RCOR1: variants seen among roughly 807,000 people sequenced by gnomAD.
RCOR1 encodes REST corepressor 1, also known as REST corepressor.
Under a neutral mutation model 64.0 loss-of-function variants are expected in RCOR1, and 12 were observed. The ratio of observed to expected loss-of-function variants is 0.19; its 90% CI spans 0.12 to 0.30. The LOEUF is 0.30. RCOR1 is among the 10% of genes least tolerant of loss of function. The pLI, the probability that RCOR1 is intolerant of heterozygous loss-of-function variation, is 1.00. For missense variants in RCOR1, 502 were observed against 621.2 expected (o/e 0.81, Z 2.04); for synonymous variants, 279 against 227.2 (o/e 1.23, Z -2.05).
intron 9 of RCOR1, 45 bp downstream of exon 9, chr14:102,721,129 A>G (rs370271720): frequency 5.6e-6 from 7 of 1,260,556 alleles, no homozygotes; most frequent in African/African-American, 3.0e-5. Context: ...TTCAAGTTTT[A>G]CATGTTTAAG....
intron 5 of RCOR1, 39 bp from the exon 6 acceptor site, chr14:102,708,426 T>C: frequency 5.1e-6 from 6 of 1,182,906 alleles, no homozygotes; most frequent in Non-Finnish European, 7.6e-6. Context: ...TAAAGATTAC[T>C]TTTTTATTTA....
intron 2 of RCOR1, among the ~76,000 whole-genome samples, chr14:102,596,840 C>T (rs950805607): frequency 6.1e-5 from 9 of 148,258 alleles, no homozygotes; most frequent in African/African-American, 1.8e-4. Flanking sequence ...GCTGGGATTA[C>T]AGGCGTGAAC....
chr14:102,704,995 GT>G (rs1289772504), intron 4 of RCOR1, among the ~76,000 whole-genome samples: 2 of 152,102 alleles, frequency 1.3e-5, no homozygotes, highest in Non-Finnish European at 2.9e-5. Flanking sequence ...ACATGGTAGT[GT>G]GTGCCTGTAG....
chr14:102,674,817 G>A (rs1895105754), intron 2 of RCOR1, among the ~76,000 whole-genome samples: 1 of 152,108 alleles, frequency 6.6e-6, no homozygotes, highest in Admixed American at 6.5e-5. Flanking sequence ...GCTCATGCCT[G>A]TAATCCCAGC....
chr14:102,698,721 G>T (rs1202629884), intron 3 of RCOR1, among the ~76,000 whole-genome samples: 1 of 152,118 alleles, frequency 6.6e-6, no homozygotes, highest in African/African-American at 2.4e-5. Flanking sequence ...CTGGTATGCT[G>T]CCATTTGCAT....
intron 3 of RCOR1, among the ~76,000 whole-genome samples, chr14:102,682,385 C>T (rs1038902719): frequency 2.6e-5 from 4 of 152,194 alleles, no homozygotes; most frequent in Non-Finnish European, 5.9e-5. Context: ...CTGCCATGGC[C>T]TCCCAAAATG....
chr14:102,712,379 G>A (rs188565950), intron 7 of RCOR1, among the ~76,000 whole-genome samples: 1 of 151,660 alleles, frequency 6.6e-6, no homozygotes, highest in Admixed American at 6.6e-5. Flanking sequence ...TAGTAGAGAT[G>A]GGGTTTCATC....
intron 2 of RCOR1, among the ~76,000 whole-genome samples, chr14:102,645,887 GTC>G (rs1277804793): frequency 6.6e-6 from 1 of 152,180 alleles, no homozygotes. Flanking sequence ...CCTCCACAAG[GTC>G]TCTGTGTGAA....
chr14:102,713,328 G>A lies in RCOR1; in HGVS notation c.859-1095G>A, dbSNP rs779170365. ...GGCTGGAGTGCAGTGGTGCAATCTC[G>A]GCTCACTGCAAGCTGCGCCTCCCAG... On this transcript the variant is annotated intron_variant, in intron 7 of 11. Transcript: ENST00000262241. Among the ~76,000 whole-genome samples the A allele has an allele frequency of 2.0e-3, 288 of 144,376 alleles. 1 individual carries two copies. Among genetic ancestry groups the A allele is most frequent in the Middle Eastern group, 4.0e-3 (1 of 248 alleles). The allele number at this position is 144,376 out of a possible 152,430, so 94.7% of individuals were successfully genotyped here. A position where few individuals can be genotyped will look rare whatever the true frequency, so the allele number is the denominator to read the frequency against.
At chr14:102,685,445 G>T (rs922422352) in intron 3 of RCOR1, among the ~76,000 whole-genome samples, 1 of 149,430 alleles carries the variant, frequency 6.7e-6, no homozygotes. Flanking sequence ...AACCTGATCC[G>T]TAGAATGACT....
chr14:102,716,145 A>T (rs1896065158), intron 8 of RCOR1, among the ~76,000 whole-genome samples: 2 of 152,214 alleles, frequency 1.3e-5, no homozygotes, highest in South Asian at 4.1e-4. Context: ...CCTGATGACT[A>T]ATGAGGTTGC....
intron 2 of RCOR1, chr14:102,656,066 T>C (rs1183815929): frequency 1.0e-6 from 1 of 985,378 alleles, no homozygotes; most frequent in African/African-American, 1.7e-5. Flanking sequence ...TAATGTTTCT[T>C]GATGTACCCA....
chr14:102,724,056 A>G (rs1871867954), intron 11 of RCOR1, among the ~76,000 whole-genome samples: 2 of 152,044 alleles, frequency 1.3e-5, no homozygotes, highest in African/African-American at 4.8e-5. Context: ...TTATTAGCCC[A>G]GAAGGTTCTT....
chr14:102,659,943 C>T (rs769343558), intron 2 of RCOR1, among the ~76,000 whole-genome samples: 9 of 152,116 alleles, frequency 5.9e-5, no homozygotes, highest in Non-Finnish European at 1.2e-4. Context: ...CTTTTTACTC[C>T]AGACACTGAC....
chr14:102,621,955 T>TA lies in RCOR1; in HGVS notation c.361+28634dup, dbSNP rs1893882495. Among the ~76,000 whole-genome samples the TA allele has an allele frequency of 2.0e-5, 3 of 152,122 alleles. No homozygotes were observed. In the South Asian group the frequency reaches 6.2e-4, roughly 32 times the overall value. On this transcript the variant is annotated intron_variant, in intron 2 of 11. Coordinates refer to ENST00000262241, the MANE Select transcript of RCOR1 (RefSeq NM_015156.4). ...AACCAACTGTTGGAATCTCTGAAAA[T>TA]AAAAGATCTTGAAATTCCTCCCCCT...
chr14:102,672,244 G>A (rs779933051), intron 2 of RCOR1, among the ~76,000 whole-genome samples: 4 of 151,884 alleles, frequency 2.6e-5, no homozygotes, highest in East Asian at 1.9e-4. Flanking sequence ...ATGGAGTCTC[G>A]CTCTGTTGCC....
At chr14:102,673,841 C>T (rs185786042) in intron 2 of RCOR1, among the ~76,000 whole-genome samples, 280 of 150,502 alleles carry the variant, frequency 1.9e-3, no homozygotes, top group Non-Finnish European at 3.2e-3. Flanking sequence ...TCTCGAACTC[C>T]CGACTTCAGG....
intron 2 of RCOR1, among the ~76,000 whole-genome samples, chr14:102,614,247 C>T (rs1392795949): frequency 4.1e-5 from 5 of 123,022 alleles, no homozygotes; most frequent in Admixed American, 9.6e-5. Flanking sequence ...TTTTTTGAGA[C>T]GGAGTCTCGC....
intron 3 of RCOR1, among the ~76,000 whole-genome samples, chr14:102,690,001 C>T (rs1377455178): frequency 6.6e-6 from 1 of 152,240 alleles, no homozygotes; most frequent in Middle Eastern, 3.4e-3. Flanking sequence ...CCTCAGCCTC[C>T]CAAAGTGCTG....
Sources: gnomAD v4.1 joint callset for allele counts (sites outside exome capture counted in the v4.1 genomes callset) on GRCh38, gnomAD v4.1.1 for gene constraint, MANE v1.5 for transcripts, NCBI Gene and HGNC (gene_info 2026-07-23, HGNC 2026-07-21) for gene names.